Variants in SCN2A observed in about 807,000 individuals in gnomAD.
The protein encoded by SCN2A is sodium channel protein type 2 subunit alpha.
In SCN2A, 20 loss-of-function variants were observed where a neutral mutation model predicts 188.7. That is an observed-to-expected ratio of 0.11 (90% CI 0.07 to 0.15). The LOEUF (loss-of-function observed/expected upper bound fraction) is 0.15, where lower values mean the gene tolerates loss of function less well. Ranked by LOEUF, SCN2A falls within the 10% of genes least tolerant of loss-of-function variation. The probability of loss-of-function intolerance (pLI) is 1.00; values close to 1 mark genes in which losing one functional copy is unlikely to be tolerated. For missense variants in SCN2A, 1,278 were observed against 2,445.0 expected (o/e 0.52, Z 10.07); for synonymous variants, 804 against 833.1 (o/e 0.97, Z 0.60).
chr2:165,314,391 A>T (rs576806156), intron 10 of SCN2A, among the ~76,000 whole-genome samples: 1 of 152,156 alleles, frequency 6.6e-6, no homozygotes, highest in Non-Finnish European at 1.5e-5. Flanking sequence ...CAAAGGCCTC[A>T]TGTACTCAAA....
intron 14 of SCN2A, among the ~76,000 whole-genome samples, chr2:165,335,482 C>T (rs1698940736): frequency 6.6e-6 from 1 of 151,620 alleles, no homozygotes; most frequent in Admixed American, 6.6e-5. Context: ...TTCAACAAGA[C>T]CACTAGACAA....
intron 14 of SCN2A, among the ~76,000 whole-genome samples, chr2:165,341,941 T>A (rs1341116262): frequency 1.3e-5 from 2 of 152,130 alleles, no homozygotes; most frequent in Admixed American, 1.3e-4. Context: ...CCATTTGGCT[T>A]GGTGATGGAA....
chr2:165,325,710 CTT>C (rs1218241610), intron 12 of SCN2A, among the ~76,000 whole-genome samples: 1 of 151,746 alleles, frequency 6.6e-6, no homozygotes, highest in African/African-American at 2.4e-5. Flanking sequence ...GATTAAAAGA[CTT>C]TTATTTTTAG....
chr2:165,353,435 T>C (rs1348038784), intron 16 of SCN2A, among the ~76,000 whole-genome samples: 2 of 152,158 alleles, frequency 1.3e-5, no homozygotes, highest in Non-Finnish European at 2.9e-5. Context: ...ATTATCAGTG[T>C]TTCCGGAAAT....
chr2:165,354,749 C>A (rs563247119), intron 17 of SCN2A, 78 bp downstream of exon 17: 4 of 1,421,858 alleles, frequency 2.8e-6, no homozygotes, highest in Non-Finnish European at 3.9e-6. Context: ...TTTTAAATTG[C>A]GTGTTTCCTT....
chr2:165,331,585 G>A lies in SCN2A; in HGVS notation c.2388+17G>A, dbSNP rs1698676885. 1 of 1,574,622 alleles carries A rather than the reference G, an allele frequency of 6.4e-7. No homozygotes were observed. Among genetic ancestry groups the A allele is most frequent in the Non-Finnish European group, 8.7e-7 (1 of 1,144,452 alleles). On this transcript the variant is annotated intron_variant, in intron 14 of 26. Coordinates refer to ENST00000375437, the MANE Select transcript of SCN2A (RefSeq NM_001040142.2). The stretch of plus-strand genomic sequence containing the variant: ...GGAAACCTGGTAAGCCTCACTGAGA[G>A]TTTCTCTTCCTCTTGAAAGAGTTTA...
intron 1 of SCN2A, among the ~76,000 whole-genome samples, chr2:165,292,022 G>C (rs1292052014): frequency 6.6e-6 from 1 of 152,090 alleles, no homozygotes; most frequent in East Asian, 1.9e-4. Context: ...GCATCTAGCT[G>C]TAGGGAAGCT....
At chr2:165,330,670 A>G (rs902084665) in intron 13 of SCN2A, among the ~76,000 whole-genome samples, 2 of 152,100 alleles carry the variant, frequency 1.3e-5, no homozygotes, top group Admixed American at 6.6e-5. Flanking sequence ...CCAGTAATAA[A>G]TGAGTTCCAC....
At chr2:165,287,206 G>T (rs1313778736) in intron 1 of SCN2A, among the ~76,000 whole-genome samples, 3 of 152,206 alleles carry the variant, frequency 2.0e-5, no homozygotes, top group African/African-American at 7.2e-5. Flanking sequence ...TTGACTTGAA[G>T]TTTTATACAT....
chr2:165,326,740 A>G lies in SCN2A; in HGVS notation c.2017-112A>G, dbSNP rs111409299. 1,110 of 1,187,400 alleles carry G rather than the reference A, an allele frequency of 9.3e-4. 7 individuals are homozygous for G. The African/African-American group carries it at 0.013, about 14-fold the overall frequency. The allele number at this position is 1,187,400 out of a possible 1,614,324, so 73.6% of individuals were successfully genotyped here. On this transcript the variant is annotated intron_variant, in intron 12 of 26. Transcript: ENST00000375437. ...CCAACAATATCTTAGTGAGCTTTTT[A>G]CATCTGAGAAAGCATGGTGTATATT...
chr2:165,356,847 C>CT (rs1374458167), intron 17 of SCN2A, among the ~76,000 whole-genome samples: 1 of 152,126 alleles, frequency 6.6e-6, no homozygotes, highest in Non-Finnish European at 1.5e-5. Context: ...TCTTGTTTCT[C>CT]TTGTTATCAT....
intron 1 of SCN2A, among the ~76,000 whole-genome samples, chr2:165,258,213 G>C (rs1694416391): frequency 1.3e-5 from 2 of 151,954 alleles, no homozygotes; most frequent in Non-Finnish European, 2.9e-5. Flanking sequence ...CAATCGCTTT[G>C]GCATTTTTGT....
At chr2:165,297,574 T>G (rs115242147) in intron 3 of SCN2A, among the ~76,000 whole-genome samples, 6 of 152,360 alleles carry the variant, frequency 3.9e-5, no homozygotes, top group Non-Finnish European at 8.8e-5. Context: ...GGTCTGAATT[T>G]TATGACTTTC....
At chr2:165,382,036 A>T (rs893067895) in intron 25 of SCN2A, among the ~76,000 whole-genome samples, 3 of 152,098 alleles carry the variant, frequency 2.0e-5, no homozygotes, top group Non-Finnish European at 2.9e-5. Context: ...GGATAGCTAT[A>T]TTGGGTCAAA....
chr2:165,306,520 G>A (rs77001892), intron 3 of SCN2A, among the ~76,000 whole-genome samples: 30,309 of 92,294 alleles, frequency 0.33, 3,510 homozygotes, highest in Admixed American at 0.45. Context: ...GTGTGTGTGT[G>A]TGTGTGTGTG....
At chr2:165,312,795 G>A (rs1358688986) in intron 8 of SCN2A, among the ~76,000 whole-genome samples, 1 of 152,106 alleles carries the variant, frequency 6.6e-6, no homozygotes. Context: ...AGATTTTAGA[G>A]CCACACACAA....
chr2:165,374,429 A>G (rs547684164), intron 21 of SCN2A, among the ~76,000 whole-genome samples: 19 of 152,120 alleles, frequency 1.2e-4, no homozygotes, highest in East Asian at 5.8e-4. Flanking sequence ...TGTTAGTTCC[A>G]TCCTTTGAGG....
chr2:165,253,386 A>T (rs1031025007), intron 1 of SCN2A, among the ~76,000 whole-genome samples: 3 of 152,144 alleles, frequency 2.0e-5, no homozygotes, highest in Non-Finnish European at 4.4e-5. Flanking sequence ...TATCATTGAG[A>T]GGCCACTTAT....
At chr2:165,279,865 G>A (rs1318333795) in intron 1 of SCN2A, among the ~76,000 whole-genome samples, 2 of 152,182 alleles carry the variant, frequency 1.3e-5, no homozygotes, top group African/African-American at 4.8e-5. Context: ...ACTGAATCAT[G>A]TGGGCAGGTG....
Sources: allele counts gnomAD v4.1 joint callset (sites outside exome capture counted in the v4.1 genomes callset), GRCh38; gene constraint gnomAD v4.1.1; transcripts MANE v1.5; gene names NCBI Gene and HGNC (gene_info 2026-07-23, HGNC 2026-07-21).